Variants in PDZD2 observed in about 807,000 individuals in gnomAD.
PDZD2 encodes the protein PDZ domain containing 2, also known as PDZ domain-containing protein 2.
PDZD2 carries 90 observed loss-of-function variants against 220.7 expected under a neutral mutation model. The observed-to-expected ratio is 0.41, with a 90% confidence interval of 0.34 to 0.49. The LOEUF is 0.49. PDZD2 is among the 20% of genes least tolerant of loss of function. The probability of loss-of-function intolerance (pLI) is 0.28; values close to 1 mark genes in which losing one functional copy is unlikely to be tolerated. For synonymous variants in PDZD2, 1,375 were observed against 1,450.5 expected, an observed-to-expected ratio of 0.95 and a Z score of 1.18; for missense variants, 3,174 against 3,608.5, an observed-to-expected ratio of 0.88 and a Z score of 3.08.
rs1054949198 is a variant in PDZD2 at position 31,639,948 on chromosome 5, G to C, written c.-361+511G>C. Among the ~76,000 whole-genome samples, 2 of 152,166 alleles carry C rather than the reference G, an allele frequency of 1.3e-5. No homozygotes were observed. The highest frequency in any genetic ancestry group is 2.4e-5 in the African/African-American group (1 of 41,446). On this transcript the variant is annotated intron_variant, in intron 1 of 24. Transcript: ENST00000438447. The surrounding 1 kb of genome is among the most constrained non-coding windows in gnomAD (Gnocchi z 4.1). Reference sequence around the variant, plus strand: ...TAGACGCGGGGCGAGGGAATGCAGGGGGCGCGCAAAGATCAAGGGCATCTT... The same window carrying C: ...TAGACGCGGGGCGAGGGAATGCAGGCGGCGCGCAAAGATCAAGGGCATCTT...
chr5:31,932,940 C>T (rs1035653687), intron 2 of PDZD2, among the ~76,000 whole-genome samples: 2 of 149,990 alleles, frequency 1.3e-5, no homozygotes, highest in African/African-American at 4.9e-5. Flanking sequence ...GACAGAGTTT[C>T]GCTCTTGTTG....
chr5:32,078,655 A>G (rs1741580568), intron 19 of PDZD2, among the ~76,000 whole-genome samples: 2 of 151,118 alleles, frequency 1.3e-5, no homozygotes, highest in Non-Finnish European at 1.5e-5. Flanking sequence ...AAAAAAAAAA[A>G]AAAAGGAAAT....
chr5:31,814,579 T>C (rs1194368125), intron 2 of PDZD2, among the ~76,000 whole-genome samples: 2 of 152,052 alleles, frequency 1.3e-5, no homozygotes, highest in Non-Finnish European at 2.9e-5. Flanking sequence ...TCCCAGGACT[T>C]TGGGAGGCCA....
chr5:31,773,437 G>A (rs530393105), intron 1 of PDZD2, among the ~76,000 whole-genome samples: 9 of 149,518 alleles, frequency 6.0e-5, no homozygotes, highest in South Asian at 2.1e-4. Flanking sequence ...TCAGGAGCCC[G>A]AGACCAGCCT....
chr5:31,742,750 C>G (rs1216657498), intron 1 of PDZD2, among the ~76,000 whole-genome samples: 1 of 152,080 alleles, frequency 6.6e-6, no homozygotes, highest in Non-Finnish European at 1.5e-5. Context: ...TCGTGTCTTC[C>G]CAGAGGACTG....
At chr5:32,093,974 T>C (rs987272824) in intron 21 of PDZD2, among the ~76,000 whole-genome samples, 1 of 151,208 alleles carries the variant, frequency 6.6e-6, no homozygotes, top group African/African-American at 2.4e-5. Context: ...CAAGACTTCA[T>C]CTCAATTAAA....
At position 31,854,439 on chromosome 5, in the gene PDZD2, C is replaced by G. The variant is rs371286540; in HGVS notation, c.476+54715C>G. On this transcript the variant is annotated intron_variant, in intron 2 of 24. Coordinates refer to ENST00000438447, the MANE Select transcript of PDZD2 (RefSeq NM_178140.4). ...GCGGTGTTAACTTTGGTTACTCCAGCCGAAAGGCTCTGACCGGGGATTTCT... is the reference window on the plus strand; with the variant it reads ...GCGGTGTTAACTTTGGTTACTCCAGGCGAAAGGCTCTGACCGGGGATTTCT... Among the ~76,000 whole-genome samples the G allele has an allele frequency of 7.9e-5, 12 of 152,328 alleles. No homozygotes were observed. The East Asian group carries it at 1.5e-3, about 20-fold the overall frequency.
At chr5:31,777,060 C>G (rs971056305) in intron 1 of PDZD2, among the ~76,000 whole-genome samples, 1 of 152,236 alleles carries the variant, frequency 6.6e-6, no homozygotes, top group Non-Finnish European at 1.5e-5. Flanking sequence ...CTGGGCTGGC[C>G]GAGCCTGGAG....
intron 1 of PDZD2, among the ~76,000 whole-genome samples, chr5:31,651,141 C>CA (rs1272906932): frequency 6.6e-6 from 1 of 151,976 alleles, no homozygotes; most frequent in Non-Finnish European, 1.5e-5. Flanking sequence ...TAAACTTGGA[C>CA]AAAATACTAC....
chr5:31,657,399 C>T (rs911908833), intron 1 of PDZD2: 3 of 152,108 alleles, frequency 2.0e-5, no homozygotes, highest in Non-Finnish European at 2.9e-5. Flanking sequence ...ACAGCTCTAC[C>T]GTTGGCTTTA....
chr5:31,743,697 T>C (rs1006368601), intron 1 of PDZD2, among the ~76,000 whole-genome samples: 2 of 152,154 alleles, frequency 1.3e-5, no homozygotes, highest in African/African-American at 4.8e-5. Flanking sequence ...ATCCTTCAGT[T>C]CATCCATTCA....
chr5:32,098,969 C>T lies in PDZD2; in HGVS notation c.8218+335C>T, dbSNP rs78068313. Among the ~76,000 whole-genome samples the T allele has an allele frequency of 0.02, 3,023 of 152,224 alleles. 44 individuals carry two copies. The highest frequency in any genetic ancestry group is 0.033 in the Non-Finnish European group (2,239 of 68,010). On this transcript the variant is annotated intron_variant, in intron 23 of 24. Transcript: ENST00000438447. The surrounding 1 kb of genome is among the most constrained non-coding windows in gnomAD (Gnocchi z 4.1). ...GTAAGGAAAACAGGAAACTACGTGA[C>T]GGGGCGAGCAGTGTTGAAGGAGAAA...
At chr5:31,844,542 C>T (rs901038548) in intron 2 of PDZD2, among the ~76,000 whole-genome samples, 1 of 152,134 alleles carries the variant, frequency 6.6e-6, no homozygotes, top group Non-Finnish European at 1.5e-5. Flanking sequence ...ATAAGATTGT[C>T]AGATTTAGCA....
chr5:31,983,694 T>C, intron 3 of PDZD2, 38 bp downstream of exon 3: 1 of 1,577,772 alleles, frequency 6.3e-7, no homozygotes, highest in East Asian at 2.2e-5. Flanking sequence ...GAATTTTATT[T>C]ATCGTGTGTG....
At chr5:31,977,173 T>C (rs547972383) in intron 2 of PDZD2, among the ~76,000 whole-genome samples, 27 of 152,214 alleles carry the variant, frequency 1.8e-4, no homozygotes, top group African/African-American at 6.0e-4. Context: ...TTACTTTGAA[T>C]TGCACACATA....
At chr5:31,869,094 A>G (rs924938278) in intron 2 of PDZD2, among the ~76,000 whole-genome samples, 1 of 152,112 alleles carries the variant, frequency 6.6e-6, no homozygotes, top group Non-Finnish European at 1.5e-5. Context: ...TTCTTAATGG[A>G]GAAAATCCCA....
At chr5:31,808,334 A>C (rs1754860649) in intron 2 of PDZD2, among the ~76,000 whole-genome samples, 2 of 152,248 alleles carry the variant, frequency 1.3e-5, no homozygotes, top group African/African-American at 4.8e-5. Context: ...CTTACCGGTT[A>C]AAACGAAAAC....
At chr5:31,864,626 T>C (rs1318750765) in intron 2 of PDZD2, among the ~76,000 whole-genome samples, 1 of 151,926 alleles carries the variant, frequency 6.6e-6, no homozygotes, top group African/African-American at 2.4e-5. Flanking sequence ...TTCAAGTGAT[T>C]CTCCTGCATC....
chr5:31,881,441 G>T (rs567577763), intron 2 of PDZD2, among the ~76,000 whole-genome samples: 1 of 149,024 alleles, frequency 6.7e-6, no homozygotes, highest in African/African-American at 2.5e-5. Flanking sequence ...GCAATGGTGC[G>T]ATCTCAGCTC....
Sources: gnomAD v4.1 joint callset for allele counts (sites outside exome capture counted in the v4.1 genomes callset) on GRCh38, gnomAD v4.1.1 for gene constraint, Gnocchi (gnomAD v3.1) non-coding constraint, MANE v1.5 for transcripts, NCBI Gene and HGNC (gene_info 2026-07-23, HGNC 2026-07-21) for gene names.